The following ABL1 variants were observed in gnomAD, a reference collection of about 807,000 sequenced individuals.
The protein encoded by ABL1 is ABL proto-oncogene 1, non-receptor tyrosine kinase, also known as tyrosine-protein kinase ABL1.
In ABL1, 11 loss-of-function variants were observed where a neutral mutation model predicts 94.7. The observed-to-expected ratio is 0.12, with a 90% confidence interval of 0.07 to 0.19. ABL1 has a LOEUF of 0.19. Ranked by LOEUF, ABL1 falls within the 10% of genes least tolerant of loss-of-function variation. The probability of loss-of-function intolerance (pLI) is 1.00; values close to 1 mark genes in which losing one functional copy is unlikely to be tolerated. For synonymous variants in ABL1, 656 were observed against 622.4 expected, an observed-to-expected ratio of 1.05 and a Z score of -0.80; for missense variants, 1,082 against 1,489.4, an observed-to-expected ratio of 0.73 and a Z score of 4.50.
intron 1 of ABL1, among the ~76,000 whole-genome samples, chr9:130,843,786 A>G (rs1334843256): frequency 6.6e-6 from 1 of 152,058 alleles, no homozygotes; most frequent in Non-Finnish European, 1.5e-5. Flanking sequence ...CAGGAGAGGC[A>G]AGCAACAGGA....
Position 130,876,733 on chromosome 9 carries a change from C to CTTTTTTTTTTT in ABL1, c.1271-1669_1271-1659dup, listed in dbSNP as rs755840936. Among the ~76,000 whole-genome samples the CTTTTTTTTTTT allele has an allele frequency of 7.2e-4, 60 of 83,196 alleles. 6 individuals are homozygous for CTTTTTTTTTTT. The highest frequency in any genetic ancestry group is 3.0e-3 in the African/African-American group (58 of 19,324). The allele number at this position is 83,196 out of a possible 152,430, so 54.6% of individuals were successfully genotyped here. A position where few individuals can be genotyped will look rare whatever the true frequency, so the allele number is the denominator to read the frequency against. On this transcript the variant is annotated intron_variant, in intron 7 of 10. Coordinates refer to ENST00000318560, the MANE Select transcript of ABL1 (RefSeq NM_005157.6). ...ACCATGCCCTGCCACAAGTTGGTTT[C>CTTTTTTTTTTT]TTTTTTTTTTTTTTTTTTTTTTTGA...
At chr9:130,740,719 G>A (rs1033720046) in intron 1 of ABL1, among the ~76,000 whole-genome samples, 1 of 151,774 alleles carries the variant, frequency 6.6e-6, no homozygotes, top group East Asian at 1.9e-4. Flanking sequence ...GCAGTGGCAC[G>A]ATCATCGCTC....
At chr9:130,840,608 A>T (rs976863752) in intron 1 of ABL1, among the ~76,000 whole-genome samples, 4 of 152,226 alleles carry the variant, frequency 2.6e-5, no homozygotes. Context: ...TTAATTAAAC[A>T]CACAGAAGAA....
At chr9:130,800,964 T>C (rs2132829092) in intron 1 of ABL1, among the ~76,000 whole-genome samples, 1 of 151,658 alleles carries the variant, frequency 6.6e-6, no homozygotes, top group East Asian at 1.9e-4. Context: ...ACAGTCTCTC[T>C]GTGTCGCCCA....
At chr9:130,716,685 CA>C (rs1831445481) in intron 1 of ABL1, among the ~76,000 whole-genome samples, 1 of 152,114 alleles carries the variant, frequency 6.6e-6, no homozygotes, top group South Asian at 2.1e-4. Context: ...AAGAAAACAA[CA>C]GGTAGCATTT....
At chr9:130,845,901 G>A (rs184537066) in intron 1 of ABL1, among the ~76,000 whole-genome samples, 8 of 151,700 alleles carry the variant, frequency 5.3e-5, no homozygotes, top group Non-Finnish European at 7.4e-5. Context: ...CTGGCCTTCC[G>A]TTAGACTTTT....
exon 1 of ABL1, chr9:130,713,870 C>T (rs34058168): frequency 7.0e-4 from 160 of 229,774 alleles, no homozygotes; most frequent in African/African-American, 3.2e-3. Flanking sequence ...GATGAAGAAG[C>T]TAAGATAGGG....
At chr9:130,769,388 A>G (rs142398618) in intron 1 of ABL1, among the ~76,000 whole-genome samples, 1,750 of 135,032 alleles carry the variant, frequency 0.013, 34 homozygotes, top group African/African-American at 0.045. Flanking sequence ...CTGGAGTGCA[A>G]TGGTGCTATC....
At chr9:130,724,452 A>G (rs1831553064) in intron 1 of ABL1, among the ~76,000 whole-genome samples, 1 of 151,944 alleles carries the variant, frequency 6.6e-6, no homozygotes, top group African/African-American at 2.4e-5. Context: ...ATACTTATAT[A>G]TGTTTATTTT....
At chr9:130,718,954 A>G (rs1477815224) in intron 1 of ABL1, among the ~76,000 whole-genome samples, 1 of 152,208 alleles carries the variant, frequency 6.6e-6, no homozygotes, top group East Asian at 1.9e-4. Context: ...TTGCTGAAGT[A>G]CTAACACTGA....
At chr9:130,722,023 C>G (rs983470549) in intron 1 of ABL1, among the ~76,000 whole-genome samples, 10 of 151,786 alleles carry the variant, frequency 6.6e-5, no homozygotes, top group Non-Finnish European at 1.2e-4. Flanking sequence ...ACCTCATGAT[C>G]TACCTGGCTC....
At chr9:130,877,962 A>C (rs1297451888) in intron 7 of ABL1, among the ~76,000 whole-genome samples, 1 of 150,298 alleles carries the variant, frequency 6.7e-6, no homozygotes, top group Non-Finnish European at 1.5e-5. Context: ...ATAGGCATCT[A>C]CCACCACGCC....
At chr9:130,807,000 C>T (rs954509326) in intron 1 of ABL1, among the ~76,000 whole-genome samples, 2 of 151,862 alleles carry the variant, frequency 1.3e-5, no homozygotes, top group East Asian at 3.9e-4. Context: ...AATACAAAAA[C>T]TTAGCTGGGC....
At chr9:130,718,602 C>T (rs932631126) in intron 1 of ABL1, among the ~76,000 whole-genome samples, 4 of 152,024 alleles carry the variant, frequency 2.6e-5, no homozygotes, top group African/African-American at 9.7e-5. Context: ...AGTTTGAGGC[C>T]AGGCACTGTG....
At chr9:130,823,346 A>G (rs1379285386) in intron 1 of ABL1, among the ~76,000 whole-genome samples, 2 of 152,170 alleles carry the variant, frequency 1.3e-5, no homozygotes, top group African/African-American at 4.8e-5. Flanking sequence ...CAATGGAGAA[A>G]GAAAACAAAA....
chr9:130,844,873 T>C (rs1830739028), intron 1 of ABL1, among the ~76,000 whole-genome samples: 1 of 152,214 alleles, frequency 6.6e-6, no homozygotes, highest in Admixed American at 6.5e-5. Flanking sequence ...CTACTCTGGT[T>C]TGTTACCTGT....
At chr9:130,759,963 ATTTTTTTTTTT>A (rs34154339) in intron 1 of ABL1, among the ~76,000 whole-genome samples, 1 of 93,028 alleles carries the variant, frequency 1.1e-5, no homozygotes, top group African/African-American at 4.7e-5. Context: ...AGGTAATTTA[ATTTTTTTTTTT>A]TTTTTTTTTT....
upstream of ABL1, among the ~76,000 whole-genome samples, chr9:130,833,262 G>T (rs1830515491): frequency 6.6e-6 from 1 of 152,128 alleles, no homozygotes; most frequent in Non-Finnish European, 1.5e-5. Context: ...CCTTTAATAT[G>T]AAATGCTATA....
chr9:130,813,580 A>G (rs1164882976), intron 1 of ABL1, among the ~76,000 whole-genome samples: 2 of 151,056 alleles, frequency 1.3e-5, no homozygotes, highest in Non-Finnish European at 2.9e-5. Flanking sequence ...AAAAAAAAAA[A>G]AAAAAGAAAG....
Sources: allele counts gnomAD v4.1 joint callset (sites outside exome capture counted in the v4.1 genomes callset), GRCh38; gene constraint gnomAD v4.1.1; transcripts MANE v1.5; gene names NCBI Gene and HGNC (gene_info 2026-07-23, HGNC 2026-07-21).